The following ZNF133 variants were observed in gnomAD, a reference collection of about 807,000 sequenced individuals.
The protein encoded by ZNF133 is zinc finger protein 133, also known as zinc finger protein 133 (clone pHZ-13).
Under a neutral mutation model 54.9 loss-of-function variants are expected in ZNF133, and 26 were observed. The observed-to-expected ratio is 0.47, with a 90% CI of 0.35 to 0.66. ZNF133 has a LOEUF of 0.66. Among genes scored for constraint, ZNF133 ranks in the 30% least tolerant of loss-of-function variants. The pLI, the probability that ZNF133 is intolerant of heterozygous loss-of-function variation, is 0.01. For synonymous variants in ZNF133, 298 were observed against 320.3 expected (o/e 0.93, Z 0.74); for missense variants, 653 against 820.8 (o/e 0.80, Z 2.50).
intron 1 of ZNF133, chr20:18,295,177 TG>T (rs2041976241): frequency 6.6e-6 from 1 of 152,280 alleles, no homozygotes; most frequent in Non-Finnish European, 1.5e-5. Flanking sequence ...TTTAAGAAGA[TG>T]TTTTTTGGTG....
intron 6 of ZNF133, among the ~76,000 whole-genome samples, chr20:18,311,402 A>G (rs904475118): frequency 1.3e-5 from 2 of 152,230 alleles, no homozygotes; most frequent in African/African-American, 2.4e-5. Context: ...TGAGTATACA[A>G]AAGACAAAAA....
At chr20:18,313,009 ATT>A (rs10543598) in intron 6 of ZNF133, 150,999 of 151,772 alleles carry the variant, frequency 0.99, 75,115 homozygotes, top group East Asian at 1. Flanking sequence ...ACCTGGCCTG[ATT>A]TTTTTTTTTT....
intron 3 of ZNF133, 37 bp from the exon 4 acceptor site, chr20:18,304,971 C>T: frequency 1.0e-6 from 1 of 983,832 alleles, no homozygotes; most frequent in Non-Finnish European, 1.2e-6. Flanking sequence ...AGTTGCCATG[C>T]CCTGTCTTAG....
intron 6 of ZNF133, among the ~76,000 whole-genome samples, chr20:18,307,793 G>C (rs1342040049): frequency 6.6e-6 from 1 of 152,082 alleles, no homozygotes; most frequent in East Asian, 1.9e-4. Flanking sequence ...GCTCTGGCCA[G>C]TGAATCCTTC....
Position 18,316,724 on chromosome 20 carries a change from A to G in ZNF133, c.1873A>G (p.Arg625Gly). ...CCTCAAGTCTCACCTCAGCAGACACAGGAAGACCACGTCTGTCCACCACAG... is the reference window on the plus strand; with the variant it reads ...CCTCAAGTCTCACCTCAGCAGACACGGGAAGACCACGTCTGTCCACCACAG... ...FSLKSHLSRH[R>G]KTTSVHHRLP... Residue 625 changes from arginine (R) to glycine (G), a missense_variant, in exon 7 of 7, where the codon AGG becomes GGG. Around this residue, in one of 4 missense-constraint regions of ZNF133, gnomAD observed 129 missense variants for 138.5 expected, o/e 0.93. Transcript: ENST00000425686. 1 of 1,614,144 alleles carries G rather than the reference A, an allele frequency of 6.2e-7. No individual in the cohort carries two copies. Among genetic ancestry groups the G allele is most frequent in the South Asian group, 1.1e-5 (1 of 91,086 alleles).
chr20:18,305,444 G>A lies in ZNF133; in HGVS notation c.-6-237G>A, dbSNP rs183503115. ...AGATTTAAAGTTCCCAAAATGTAGG[G>A]ACTCCATTTTGTGCACATATACCCT... is the stretch of plus-strand genomic sequence containing the variant. On this transcript the variant is annotated intron_variant, in intron 4 of 6. Transcript: ENST00000425686. This position sits in a 1 kb window ranked among gnomAD's most constrained non-coding sequence, Gnocchi z 4.7. 1.5e-3 allele frequency among the ~76,000 whole-genome samples: 229 copies of A among 152,230 alleles called. 1 individual carries two copies. Among genetic ancestry groups the A allele is most frequent in the African/African-American group, 4.9e-3 (204 of 41,540 alleles).
intron 6 of ZNF133, chr20:18,312,491 C>T (rs1039507695): frequency 1.3e-5 from 2 of 152,102 alleles, no homozygotes; most frequent in African/African-American, 4.8e-5. Flanking sequence ...ATATTGATTC[C>T]ACCCTTTAGT....
intron 1 of ZNF133, among the ~76,000 whole-genome samples, chr20:18,296,492 G>T (rs2042262319): frequency 6.6e-6 from 1 of 151,990 alleles, no homozygotes; most frequent in Non-Finnish European, 1.5e-5. Context: ...ACCACCATTT[G>T]ACTATTCTAG....
Position 18,306,117 on chromosome 20 carries a change from C to G in ZNF133, c.122-181C>G, listed in dbSNP as rs564367203. Among the ~76,000 whole-genome samples, 24 of 152,250 alleles carry G rather than the reference C, an allele frequency of 1.6e-4. No homozygotes were observed. In the South Asian group the frequency reaches 5.0e-3, roughly 32 times the overall value. On this transcript the variant is annotated intron_variant, in intron 5 of 6. Transcript: ENST00000425686. ...TCATCTACTCGGCATGGAATAGAAT[C>G]AGTGTACTCTCATCTGAGTTCACTG...
intron 3 of ZNF133, among the ~76,000 whole-genome samples, chr20:18,304,689 G>T (rs1160280313): frequency 1.3e-5 from 2 of 152,154 alleles, no homozygotes; most frequent in Non-Finnish European, 2.9e-5. Flanking sequence ...CATATATAAT[G>T]GAGACAGAAA....
chr20:18,299,673 G>C (rs2042960883), intron 3 of ZNF133, among the ~76,000 whole-genome samples: 1 of 152,160 alleles, frequency 6.6e-6, no homozygotes, highest in African/African-American at 2.4e-5. Flanking sequence ...AGGTAACAGA[G>C]GGATTTTTGA....
chr20:18,315,238 G>A lies in ZNF133; in HGVS notation c.387G>A (p.Lys129=), dbSNP rs2047186126. The change falls in exon 7 of 7, where the codon AAG becomes AAA. Residue 129 remains lysine, a synonymous_variant. Transcript: ENST00000425686. The stretch of plus-strand genomic sequence containing the variant: ...ATCCGGGCCCAGGGGACCAGGAGAA[G>A]CAGCAACAAGCCTCTGAGGGGAGAC... The part of the protein sequence containing the change: ...PGDPGPGDQE[K]QQQASEGRPW... 1.2e-6 allele frequency: 2 copies of A among 1,614,092 alleles called. No homozygotes were observed. The highest frequency in any genetic ancestry group is 4.5e-5 in the East Asian group (2 of 44,880).
rs1422623555 is a variant in ZNF133, at chr20:18,316,837, A to G, written c.*21A>G. On this transcript the variant is annotated 3_prime_UTR_variant, in exon 7 of 7. Coordinates refer to ENST00000425686, the MANE Select transcript of ZNF133 (RefSeq NM_001352452.2). ...TCTGAAGGCAAAGATGGGGACAAGGACTAAGAGTCAGAATGTTGACACTTT... is the reference window on the plus strand; with the variant it reads ...TCTGAAGGCAAAGATGGGGACAAGGGCTAAGAGTCAGAATGTTGACACTTT... 4 of 1,574,616 alleles carry G rather than the reference A, an allele frequency of 2.5e-6. No individual in the cohort carries two copies. Among genetic ancestry groups the G allele is most frequent in the South Asian group, 2.3e-5 (2 of 85,534 alleles).
chr20:18,305,181 A>G lies in ZNF133; in HGVS notation c.-7+3A>G. 1 of 989,528 alleles carries G rather than the reference A, an allele frequency of 1.0e-6. No homozygotes were observed. The highest frequency in any genetic ancestry group is 1.2e-6 in the Non-Finnish European group (1 of 832,990). The allele number at this position is 989,528 out of a possible 1,614,324, so 61.3% of individuals were successfully genotyped here. On this transcript the variant is annotated splice_donor_region_variant and intron_variant, in intron 4 of 6. Transcript: ENST00000425686. The surrounding 1 kb of genome is among the most constrained non-coding windows in gnomAD (Gnocchi z 4.7). ...GAACTGTTTTCTACATTTCACAGGTAAGAAAACTGGGATACTAGTTGGTGG... is the reference window on the plus strand; with the variant it reads ...GAACTGTTTTCTACATTTCACAGGTGAGAAAACTGGGATACTAGTTGGTGG...
chr20:18,288,785 G>C (rs1179754125), intron 1 of ZNF133, among the ~76,000 whole-genome samples, 181 bp downstream of exon 1: 2 of 152,182 alleles, frequency 1.3e-5, no homozygotes, highest in African/African-American at 4.8e-5. Flanking sequence ...GTCTTATTTT[G>C]GGGGTGTGGG....
At chr20:18,307,058 C>T (rs111565306) in intron 6 of ZNF133, among the ~76,000 whole-genome samples, 4 of 151,868 alleles carry the variant, frequency 2.6e-5, no homozygotes, top group Admixed American at 2.0e-4. Flanking sequence ...CAATCACCCC[C>T]CCTCCCAACA....
rs1369618546 is a variant in ZNF133, at chr20:18,306,381, G to A, written c.205G>A (p.Ala69Thr). The A allele has an allele frequency of 3.1e-6, 5 of 1,612,978 alleles. No individual in the cohort carries two copies. In the African/African-American group the frequency reaches 5.3e-5, roughly 17 times the overall value. Residue 69 changes from alanine to threonine, a missense_variant, in exon 6 of 7, where the codon GCA (alanine) becomes ACA (threonine). Coordinates refer to ENST00000425686, the MANE Select transcript of ZNF133 (RefSeq NM_001352452.2). ...TWREEKKCSP[A>T]TCPADPEPEL... is the part of the protein sequence containing the mutation. Reference sequence around the variant, plus strand: ...GAGAGAGGAAAAAAAATGTTCACCGGCAACCTGTCCAGGTGAGTGGGAAAA... The same window carrying A: ...GAGAGAGGAAAAAAAATGTTCACCGACAACCTGTCCAGGTGAGTGGGAAAA...
rs1470785243 is a variant in ZNF133 at position 18,315,287 on chromosome 20, C to T, written c.436C>T (p.Pro146Ser). The T allele has an allele frequency of 1.9e-6, 3 of 1,613,946 alleles. No individual in the cohort carries two copies. The highest frequency in any genetic ancestry group is 2.5e-6 in the Non-Finnish European group (3 of 1,180,022). The change falls in exon 7 of 7, where the codon CCT (proline) becomes TCT (serine). Residue 146 changes from proline (P) to serine (S), a missense_variant. This residue lies in a region of ZNF133 where 227 missense variants were observed against 233.9 expected (regional missense o/e 0.97). Coordinates refer to ENST00000425686, the MANE Select transcript of ZNF133 (RefSeq NM_001352452.2). ...ACCCTGGAGTGATCAAGCAGAAGGT[C>T]CTGAGGGAGAAGGTGCCATGCCTTT... ...GRPWSDQAEG[P>S]EGEGAMPLFG...
intron 1 of ZNF133, among the ~76,000 whole-genome samples, chr20:18,296,121 AG>A (rs1365955601): frequency 6.6e-6 from 1 of 152,062 alleles, no homozygotes; most frequent in Non-Finnish European, 1.5e-5. Context: ...CTACCTTATC[AG>A]GACACAATGC....
Sources: allele counts gnomAD v4.1 joint callset (sites outside exome capture counted in the v4.1 genomes callset), GRCh38; gene constraint gnomAD v4.1.1; regional missense constraint gnomAD v4.1.1; non-coding constraint Gnocchi (gnomAD v3.1); transcripts MANE v1.5; gene names NCBI Gene and HGNC (gene_info 2026-07-23, HGNC 2026-07-21).